The following HSPA4 variants were observed in gnomAD, a reference collection of about 807,000 sequenced individuals.
HSPA4 encodes the protein heat shock 70 kDa protein 4.
In HSPA4, 25 loss-of-function variants were observed where a neutral mutation model predicts 106.2. The observed-to-expected ratio is 0.24, with a 90% CI of 0.17 to 0.33. The LOEUF (loss-of-function observed/expected upper bound fraction) is 0.33. Among genes scored for constraint, HSPA4 ranks in the 10% least tolerant of loss-of-function variants. The probability of loss-of-function intolerance (pLI) is 1.00; values close to 1 mark genes in which losing one functional copy is unlikely to be tolerated. For missense variants in HSPA4, 841 were observed against 996.0 expected (o/e 0.84, Z 2.10); for synonymous variants, 332 against 333.6 (o/e 1.00, Z 0.05).
chr5:133,097,534 T>C (rs997216153), intron 15 of HSPA4, among the ~76,000 whole-genome samples: 23 of 149,976 alleles, frequency 1.5e-4, no homozygotes, highest in Non-Finnish European at 2.8e-4. Context: ...TTATCTTGTA[T>C]CTTTCTTTTC....
chr5:133,064,600 A>G (rs568108911), intron 1 of HSPA4, among the ~76,000 whole-genome samples: 1 of 152,184 alleles, frequency 6.6e-6, no homozygotes, highest in Non-Finnish European at 1.5e-5. Flanking sequence ...TTTGTAGACT[A>G]TATTCTTGGT....
chr5:133,082,174 C>T (rs1387834611), intron 7 of HSPA4, among the ~76,000 whole-genome samples: 2 of 152,090 alleles, frequency 1.3e-5, no homozygotes, highest in Admixed American at 6.6e-5. Context: ...TCACAAAAGG[C>T]CACATTTTGT....
rs57230598 is a variant in HSPA4 at position 133,092,806 on chromosome 5, G to GTTTTTTTTTTTTTT, written c.1650+36_1650+49dup. 3 of 474,010 alleles carry GTTTTTTTTTTTTTT rather than the reference G, an allele frequency of 6.3e-6. No homozygotes were observed. The highest frequency in any genetic ancestry group is 7.1e-5 in the African/African-American group (2 of 28,144). 29.4% of individuals were successfully genotyped at this position (474,010 alleles called of 1,614,324 possible). On this transcript the variant is annotated intron_variant, in intron 13 of 18. Transcript: ENST00000304858. ...GAAATGGAGGTATGCATTGGGTGGTGTTTTTTTTTTTTTTTTTTTTTTTTT... is the reference window on the plus strand; with the variant it reads ...GAAATGGAGGTATGCATTGGGTGGTGTTTTTTTTTTTTTTTTTTTTTTTTTTTTTTTTTTTTTTT...
At chr5:133,054,391 A>G (rs945097492) in intron 1 of HSPA4, among the ~76,000 whole-genome samples, 1 of 151,972 alleles carries the variant, frequency 6.6e-6, no homozygotes, top group African/African-American at 2.4e-5. Context: ...TTTAGTAGAG[A>G]CAGGGTTTCA....
chr5:133,097,133 C>G, intron 14 of HSPA4, 28 bp from the exon 15 acceptor site: 1 of 1,579,216 alleles, frequency 6.3e-7, no homozygotes, highest in Non-Finnish European at 8.7e-7. Context: ...GTCCTAATGT[C>G]TGATTTATAC....
At chr5:133,090,159 G>A (rs942778383) in intron 11 of HSPA4, among the ~76,000 whole-genome samples, 1 of 152,132 alleles carries the variant, frequency 6.6e-6, no homozygotes, top group Non-Finnish European at 1.5e-5. Context: ...AAATAGCCAG[G>A]TGCGGTGGCT....
In HSPA4 at chr5:133,104,219, C is replaced by T; in HGVS notation, c.2320-14C>T. The T allele has an allele frequency of 6.2e-7, 1 of 1,611,280 alleles. No individual in the cohort carries two copies. The highest frequency in any genetic ancestry group is 8.5e-7 in the Non-Finnish European group (1 of 1,177,880). On this transcript the variant is annotated splice_polypyrimidine_tract_variant and intron_variant, in intron 18 of 18. Coordinates refer to ENST00000304858, the MANE Select transcript of HSPA4 (RefSeq NM_002154.4). Reference sequence around the variant, plus strand: ...ATTTTATAAGAAACCAGTTTTCTGTCTTACCCATTCCAGGAGCTGACAAGT... The same window carrying T: ...ATTTTATAAGAAACCAGTTTTCTGTTTTACCCATTCCAGGAGCTGACAAGT...
chr5:133,072,471 C>T (rs1765396026), intron 4 of HSPA4, among the ~76,000 whole-genome samples: 1 of 133,756 alleles, frequency 7.5e-6, no homozygotes, highest in Non-Finnish European at 1.5e-5. Flanking sequence ...ATGATCTTGG[C>T]TCACTGCAGC....
intron 18 of HSPA4, 30 bp from the exon 19 acceptor site, chr5:133,104,203 G>A (rs1314436030): frequency 6.2e-7 from 1 of 1,600,536 alleles, no homozygotes; most frequent in Non-Finnish European, 8.5e-7. Context: ...AATTTTATAA[G>A]AAACCAGTTT....
chr5:133,063,794 G>A (rs1397678878), intron 1 of HSPA4, among the ~76,000 whole-genome samples: 2 of 145,974 alleles, frequency 1.4e-5, no homozygotes, highest in Non-Finnish European at 3.0e-5. Context: ...ATAGGGTCTT[G>A]CTCTGTTGCC....
chr5:133,071,473 C>A (rs991570003), intron 4 of HSPA4, among the ~76,000 whole-genome samples: 3 of 152,040 alleles, frequency 2.0e-5, no homozygotes, highest in Non-Finnish European at 4.4e-5. Context: ...AAAACAAAGA[C>A]ATGGCAGCAG....
intron 12 of HSPA4, among the ~76,000 whole-genome samples, chr5:133,092,006 G>A (rs747001486): frequency 2.6e-5 from 4 of 152,144 alleles, no homozygotes; most frequent in Admixed American, 6.5e-5. Context: ...TCCTGTTTGC[G>A]CCACTGCACT....
intron 6 of HSPA4, 125 bp from the exon 7 acceptor site, chr5:133,076,529 T>G (rs1765447594): frequency 3.8e-6 from 3 of 795,760 alleles, no homozygotes; most frequent in Non-Finnish European, 5.9e-6. Context: ...ATACATTGCT[T>G]TGTTTTAACC....
rs1008375939 is a variant in HSPA4, at chr5:133,088,494, G to C, written c.1076G>C (p.Gly359Ala). Residue 359 changes from glycine (G) to alanine (A), a missense_variant, in exon 9 of 19, where the codon GGT becomes GCT. Around this residue, in one of 5 missense-constraint regions of HSPA4, gnomAD observed 162 missense variants for 177.7 expected, o/e 0.91. Coordinates refer to ENST00000304858, the MANE Select transcript of HSPA4 (RefSeq NM_002154.4). ...AVKEKISKFF[G>A]KELSTTLNAD... is the part of the protein sequence containing the mutation. ...AAAGAGAAGATCAGCAAATTTTTCGGTAAAGAACTTAGTACAACATTAAAT... is the reference window on the plus strand; with the variant it reads ...AAAGAGAAGATCAGCAAATTTTTCGCTAAAGAACTTAGTACAACATTAAAT... The C allele has an allele frequency of 6.2e-7, 1 of 1,613,874 alleles. No homozygotes were observed. Among genetic ancestry groups the C allele is most frequent in the Non-Finnish European group, 8.5e-7 (1 of 1,179,788 alleles).
chr5:133,064,937 T>C (rs774294120), intron 1 of HSPA4, 43 bp from the exon 2 acceptor site: 8 of 1,515,682 alleles, frequency 5.3e-6, no homozygotes, highest in African/African-American at 1.4e-5. Context: ...GGATTTATTA[T>C]TGTAGTAAGA....
At chr5:133,094,171 GAGT>G (rs1407953647) in intron 13 of HSPA4, among the ~76,000 whole-genome samples, 1 of 152,152 alleles carries the variant, frequency 6.6e-6, no homozygotes, top group African/African-American at 2.4e-5. Flanking sequence ...ATTTCAAAAA[GAGT>G]AGTAACATTT....
intron 16 of HSPA4, among the ~76,000 whole-genome samples, chr5:133,100,735 C>T (rs778921457): frequency 6.6e-6 from 1 of 152,176 alleles, no homozygotes; most frequent in South Asian, 2.1e-4. Flanking sequence ...GCCTTTTGTT[C>T]AGAAAAGGTT....
intron 7 of HSPA4, among the ~76,000 whole-genome samples, chr5:133,081,124 T>A (rs1364185348): frequency 6.6e-6 from 1 of 152,142 alleles, no homozygotes; most frequent in African/African-American, 2.4e-5. Context: ...CTTGGCTTGC[T>A]TCAACCTCCA....
At chr5:133,101,667 G>A (rs1474069424) in intron 16 of HSPA4, 92 bp from the exon 17 acceptor site, 16 of 1,181,876 alleles carry the variant, frequency 1.4e-5, no homozygotes, top group African/African-American at 3.1e-5. Context: ...TATAGCACAC[G>A]GAGATTAAAT....
Sources: allele counts gnomAD v4.1 joint callset (sites outside exome capture counted in the v4.1 genomes callset), GRCh38; gene constraint gnomAD v4.1.1; regional missense constraint gnomAD v4.1.1; transcripts MANE v1.5; gene names NCBI Gene and HGNC (gene_info 2026-07-23, HGNC 2026-07-21).